The following DNAH9 variants were observed in gnomAD, a reference collection of about 807,000 sequenced individuals.
DNAH9 encodes dynein axonemal heavy chain 9, also known as DNAH9 variant protein.
A neutral mutation model predicts 471.6 loss-of-function variants in DNAH9; 345 were observed. That is an observed-to-expected ratio of 0.73 (90% CI 0.67 to 0.80). The LOEUF is 0.80. Among genes scored for constraint, DNAH9 ranks in the 30% least tolerant of loss-of-function variants. The pLI is 0.00. For missense variants in DNAH9, 5,407 were observed against 5,609.2 expected, an observed-to-expected ratio of 0.96 and a Z score of 1.15; for synonymous variants, 2,093 against 2,123.6, an observed-to-expected ratio of 0.99 and a Z score of 0.40.
chr17:11,882,927 G>A, intron 55 of DNAH9: 6 of 985,474 alleles, frequency 6.1e-6, no homozygotes, highest in Non-Finnish European at 7.2e-6. Context: ...AGAAAGGTCA[G>A]GGTGGCTGTG....
intron 27 of DNAH9, among the ~76,000 whole-genome samples, chr17:11,721,654 T>C (rs976757008): frequency 6.6e-5 from 10 of 150,598 alleles, no homozygotes; most frequent in African/African-American, 2.4e-4. Flanking sequence ...GGAGGATAGA[T>C]GGTAGATGGA....
At chr17:11,959,488 C>A (rs1975897918) in intron 67 of DNAH9, among the ~76,000 whole-genome samples, 1 of 152,194 alleles carries the variant, frequency 6.6e-6, no homozygotes, top group African/African-American at 2.4e-5. Context: ...CGTATTGTCT[C>A]AGAAGCTTGA....
At chr17:11,845,156 TC>T (rs1567843234) in intron 49 of DNAH9, among the ~76,000 whole-genome samples, 1 of 87,934 alleles carries the variant, frequency 1.1e-5, no homozygotes, top group Non-Finnish European at 2.3e-5. Context: ...TCCTCCCCCC[TC>T]CCCCGACCCC....
chr17:11,966,674 T>C (rs972183448), intron 68 of DNAH9, among the ~76,000 whole-genome samples: 14 of 152,074 alleles, frequency 9.2e-5, no homozygotes, highest in Non-Finnish European at 1.3e-4. Context: ...TGGATAGAAA[T>C]GTATAAAGAT....
chr17:11,715,966 A>G (rs1295469973), intron 26 of DNAH9, among the ~76,000 whole-genome samples: 1 of 152,096 alleles, frequency 6.6e-6, no homozygotes, highest in Non-Finnish European at 1.5e-5. Flanking sequence ...AGGACCTCAG[A>G]GAGAATCCTA....
chr17:11,703,277 G>A (rs1188454568), intron 24 of DNAH9, among the ~76,000 whole-genome samples: 1 of 151,684 alleles, frequency 6.6e-6, no homozygotes, highest in Non-Finnish European at 1.5e-5. Flanking sequence ...ATGAGGGGGA[G>A]CTTCTTTAAT....
At chr17:11,861,294 G>C (rs894162469) in intron 50 of DNAH9, among the ~76,000 whole-genome samples, 143 of 151,644 alleles carry the variant, frequency 9.4e-4, no homozygotes, top group African/African-American at 3.3e-3. Context: ...TTTTTCTTGC[G>C]ATAGTTTACT....
At chr17:11,968,201 GA>G (rs1018330911) in intron 68 of DNAH9, among the ~76,000 whole-genome samples, 26 of 150,628 alleles carry the variant, frequency 1.7e-4, no homozygotes, top group African/African-American at 4.1e-4. Context: ...GTATGTTGGG[GA>G]AAAAAAAAGA....
At chr17:11,672,991 C>T (rs2073995266) in intron 17 of DNAH9, among the ~76,000 whole-genome samples, 1 of 152,160 alleles carries the variant, frequency 6.6e-6, no homozygotes. Flanking sequence ...TCCCTGTTCC[C>T]TCCCATTCCC....
At chr17:11,761,880 C>G (rs924258601) in intron 35 of DNAH9, among the ~76,000 whole-genome samples, 2 of 152,166 alleles carry the variant, frequency 1.3e-5, no homozygotes. Flanking sequence ...CCACTTTGTC[C>G]TCTGTACTCT....
intron 50 of DNAH9, among the ~76,000 whole-genome samples, chr17:11,855,315 A>T (rs1021670452): frequency 2.6e-5 from 4 of 152,222 alleles, no homozygotes; most frequent in African/African-American, 7.2e-5. Flanking sequence ...GGCAGAAAAC[A>T]AAGAAATTTT....
rs1352763447 is a variant in DNAH9 at position 11,962,974 on chromosome 17, A to C, written c.13233+718A>C. Among the ~76,000 whole-genome samples, 1 of 152,210 alleles carries C rather than the reference A, an allele frequency of 6.6e-6. No homozygotes were observed. Among genetic ancestry groups the C allele is most frequent in the African/African-American group, 2.4e-5 (1 of 41,452 alleles). ...AGAAGATGTTTTGTCACCAATAAGA[A>C]TATGCAAATAGAGATTTACTTGGTT... On this transcript the variant is annotated intron_variant, in intron 68 of 68. Coordinates refer to ENST00000262442, the MANE Select transcript of DNAH9 (RefSeq NM_001372.4). The surrounding 1 kb of genome is among the most constrained non-coding windows in gnomAD (Gnocchi z 4.1).
chr17:11,925,547 C>G (rs971229996), intron 62 of DNAH9: 2 of 156,002 alleles, frequency 1.3e-5, no homozygotes, highest in Non-Finnish European at 2.8e-5. Flanking sequence ...ATGACCTCCC[C>G]ACCCCCTCAG....
Position 11,937,210 on chromosome 17 carries a change from G to A in DNAH9, c.12490-142G>A. The A allele has an allele frequency of 2.0e-6, 2 of 1,008,390 alleles. No homozygotes were observed. The highest frequency in any genetic ancestry group is 2.8e-6 in the Non-Finnish European group (2 of 704,064). 62.5% of individuals were successfully genotyped at this position (1,008,390 alleles called of 1,614,324 possible). A position where few individuals can be genotyped will look rare whatever the true frequency, so the allele number is the denominator to read the frequency against. On this transcript the variant is annotated intron_variant, in intron 65 of 68. Transcript: ENST00000262442. This position sits in a 1 kb window ranked among gnomAD's most constrained non-coding sequence, Gnocchi z 4.1. ...AGGTGCACTAATAGGTGGAGAGGGT[G>A]ATGAAGTCAACCAGGGATGGTGAGC...
At chr17:11,860,256 G>C (rs1245884899) in intron 50 of DNAH9, among the ~76,000 whole-genome samples, 1 of 152,000 alleles carries the variant, frequency 6.6e-6, no homozygotes, top group Non-Finnish European at 1.5e-5. Flanking sequence ...TCTTTCTCTT[G>C]CATTAGTTCC....
intron 3 of DNAH9, among the ~76,000 whole-genome samples, chr17:11,611,052 C>CTGCTCG (rs1408435819): frequency 6.6e-6 from 1 of 151,878 alleles, no homozygotes; most frequent in African/African-American, 2.4e-5. Context: ...ATTATTGCTC[C>CTGCTCG]TGCTCCTGCT....
At chr17:11,948,405 T>A (rs1363617846) in intron 67 of DNAH9, among the ~76,000 whole-genome samples, 1 of 151,770 alleles carries the variant, frequency 6.6e-6, no homozygotes, top group African/African-American at 2.4e-5. Context: ...ATTTTTGTGT[T>A]TTTTACTAGA....
At chr17:11,715,286 A>G (rs2074939710) in intron 26 of DNAH9, among the ~76,000 whole-genome samples, 1 of 152,242 alleles carries the variant, frequency 6.6e-6, no homozygotes, top group African/African-American at 2.4e-5. Context: ...ACTTTCAAAT[A>G]TCTTGTCTCA....
chr17:11,648,740 A>G (rs955093705), intron 12 of DNAH9, among the ~76,000 whole-genome samples: 1 of 152,108 alleles, frequency 6.6e-6, no homozygotes, highest in African/African-American at 2.4e-5. Flanking sequence ...ATGTGAGTTG[A>G]TGGGGGACAA....
Sources: allele counts gnomAD v4.1 joint callset (sites outside exome capture counted in the v4.1 genomes callset), GRCh38; gene constraint gnomAD v4.1.1; non-coding constraint Gnocchi (gnomAD v3.1); transcripts MANE v1.5; gene names NCBI Gene and HGNC (gene_info 2026-07-23, HGNC 2026-07-21).